TPTE: variants seen among roughly 807,000 people sequenced by gnomAD.
TPTE encodes the protein putative tyrosine-protein phosphatase TPTE.
A neutral mutation model predicts 84.1 loss-of-function variants in TPTE; 59 were observed. That is an observed-to-expected ratio of 0.70 (90% confidence interval 0.57 to 0.87). The LOEUF is 0.87. TPTE is among the 40% of genes least tolerant of loss of function. The pLI is 0.00. For synonymous variants in TPTE, 130 were observed against 223.5 expected, an observed-to-expected ratio of 0.58 and a Z score of 3.73; for missense variants, 382 against 659.6, an observed-to-expected ratio of 0.58 and a Z score of 4.61.
At chr21:10,548,227 C>T (rs1313158549) in intron 7 of TPTE, among the ~76,000 whole-genome samples, 7 of 152,298 alleles carry the variant, frequency 4.6e-5, no homozygotes, top group Admixed American at 2.6e-4. Flanking sequence ...ACTAAGCAGC[C>T]ATATACCTGT....
intron 17 of TPTE, among the ~76,000 whole-genome samples, chr21:10,588,905 G>A (rs1397527172): frequency 9.2e-5 from 14 of 152,268 alleles, no homozygotes; most frequent in Admixed American, 1.3e-4. Context: ...TCATTTCCCG[G>A]ATTGATGTAG....
At chr21:10,528,651 G>C (rs528175995) in intron 3 of TPTE, among the ~76,000 whole-genome samples, 3 of 152,312 alleles carry the variant, frequency 2.0e-5, no homozygotes, top group Admixed American at 6.5e-5. Context: ...TGCTGTTTGT[G>C]TTATACTCAG....
intron 10 of TPTE, among the ~76,000 whole-genome samples, chr21:10,565,827 C>G (rs1407331284): frequency 3.3e-5 from 5 of 152,308 alleles, no homozygotes; most frequent in Non-Finnish European, 7.3e-5. Context: ...CACCTAGACC[C>G]CTACCTCTCA....
intron 9 of TPTE, among the ~76,000 whole-genome samples, chr21:10,559,872 T>TAAAAAAAAAAAAAAAAAAAAAAA (rs61583687): frequency 3.4e-5 from 4 of 117,120 alleles, no homozygotes; most frequent in South Asian, 2.5e-4. Flanking sequence ...AGACTCCATG[T>TAAAAAAAAAAAAAAAAAAAAAAA]AAAAAAAAAA....
intron 10 of TPTE, among the ~76,000 whole-genome samples, chr21:10,562,167 C>A (rs1478704630): frequency 6.6e-6 from 1 of 152,308 alleles, no homozygotes; most frequent in Non-Finnish European, 1.5e-5. Context: ...CTGCAAGAAC[C>A]AGAGTTTAGG....
chr21:10,542,523 A>G, intron 6 of TPTE, 75 bp downstream of exon 6: 3 of 1,545,064 alleles, frequency 1.9e-6, no homozygotes, highest in Admixed American at 1.7e-5. Flanking sequence ...CACATGAGCA[A>G]GTATACCCCA....
intron 3 of TPTE, among the ~76,000 whole-genome samples, chr21:10,528,771 A>G (rs184879820): frequency 6.5e-4 from 99 of 152,368 alleles, no homozygotes; most frequent in African/African-American, 2.2e-3. Flanking sequence ...TGTTGTTACT[A>G]TTCCCTTTTA....
At chr21:10,593,890 C>A (rs1387093071) in intron 19 of TPTE, among the ~76,000 whole-genome samples, 2 of 152,310 alleles carry the variant, frequency 1.3e-5, no homozygotes, top group Non-Finnish European at 2.9e-5. Flanking sequence ...TGGCCCTAAG[C>A]CTTTAGTTTG....
chr21:10,562,656 GA>G (rs1479545363), intron 10 of TPTE, among the ~76,000 whole-genome samples: 4 of 152,310 alleles, frequency 2.6e-5, no homozygotes, highest in African/African-American at 4.8e-5. Flanking sequence ...TTTAATAGCA[GA>G]ATTGATAAAC....
chr21:10,598,484 A>G (rs9982283), intron 21 of TPTE, among the ~76,000 whole-genome samples: 775 of 151,148 alleles, frequency 5.1e-3, no homozygotes, highest in African/African-American at 0.018. Context: ...TTTAGTGTGC[A>G]TGAAAACTAC....
intron 4 of TPTE, among the ~76,000 whole-genome samples, chr21:10,540,426 G>T (rs1391671154): frequency 6.6e-6 from 1 of 152,308 alleles, no homozygotes; most frequent in African/African-American, 2.4e-5. Context: ...CTCATAGAGG[G>T]AGGCTTTTTA....
At chr21:10,538,859 T>C (rs2074315961) in intron 4 of TPTE, 125 bp downstream of exon 4, 1 of 1,597,524 alleles carries the variant, frequency 6.3e-7, no homozygotes, top group African/African-American at 1.3e-5. Context: ...TACACACTTC[T>C]CTCAAACACA....
chr21:10,561,920 G>A, intron 10 of TPTE, among the ~76,000 whole-genome samples: 1 of 152,306 alleles, frequency 6.6e-6, no homozygotes. Context: ...GTTACAGCAG[G>A]TCTTGGGCAA....
chr21:10,602,956 AG>A (rs1322487145), intron 22 of TPTE, among the ~76,000 whole-genome samples: 3 of 152,306 alleles, frequency 2.0e-5, no homozygotes, highest in Non-Finnish European at 2.9e-5. Context: ...TGTGACTGAG[AG>A]GTGGTCACTG....
chr21:10,538,239 A>G (rs957028563), intron 3 of TPTE, among the ~76,000 whole-genome samples: 3 of 152,308 alleles, frequency 2.0e-5, no homozygotes, highest in Non-Finnish European at 4.4e-5. Context: ...AAATACCATC[A>G]TATTGGATTG....
intron 1 of TPTE, among the ~76,000 whole-genome samples, chr21:10,521,900 C>G (rs1351585486): frequency 6.6e-6 from 1 of 152,268 alleles, no homozygotes; most frequent in East Asian, 1.9e-4. Flanking sequence ...AAAAACTCCG[C>G]GACGCCTCCC....
intron 13 of TPTE, 97 bp from the exon 14 acceptor site, chr21:10,570,388 C>A: frequency 1.9e-6 from 3 of 1,582,656 alleles, no homozygotes; most frequent in African/African-American, 1.4e-5. Flanking sequence ...GGTTTTTTTT[C>A]TGTGAAAATG....
chr21:10,561,909 G>A (rs1016929305), intron 10 of TPTE, among the ~76,000 whole-genome samples: 6 of 152,302 alleles, frequency 3.9e-5, no homozygotes, highest in African/African-American at 7.2e-5. Flanking sequence ...GCTAAGGAGT[G>A]GTTACAGCAG....
At chr21:10,571,851 A>G (rs2145711548) in intron 14 of TPTE, among the ~76,000 whole-genome samples, 1 of 152,426 alleles carries the variant, frequency 6.6e-6, no homozygotes, top group East Asian at 1.9e-4. Context: ...TAAAAAATAC[A>G]AAAATTAGTT....
Sources: allele counts gnomAD v4.1 joint callset (sites outside exome capture counted in the v4.1 genomes callset), GRCh38; gene constraint gnomAD v4.1.1; transcripts MANE v1.5; gene names NCBI Gene and HGNC (gene_info 2026-07-23, HGNC 2026-07-21).